LIN52: variants seen among roughly 807,000 people sequenced by gnomAD.
LIN52 encodes protein lin-52 homolog.
In LIN52, 4 loss-of-function variants were observed where a neutral mutation model predicts 18.5. The ratio of observed to expected loss-of-function variants is 0.22; its 90% confidence interval spans 0.11 to 0.49. LIN52 has a LOEUF of 0.49. Among genes scored for constraint, LIN52 ranks in the 20% least tolerant of loss-of-function variants. The pLI, the probability that LIN52 is intolerant of heterozygous loss-of-function variation, is 0.97. For synonymous variants in LIN52, 34 were observed against 45.5 expected (o/e 0.75, Z 1.02); for missense variants, 102 against 139.5 (o/e 0.73, Z 1.35).
At chr14:74,101,116 T>C in intron 4 of LIN52, 39 bp from the exon 5 acceptor site, 2 of 1,539,360 alleles carry the variant, frequency 1.3e-6, no homozygotes, top group Non-Finnish European at 1.8e-6. Context: ...TAGAGAAGAG[T>C]GGAAAGAAAT....
chr14:74,165,042 A>G (rs978838550), intron 5 of LIN52, among the ~76,000 whole-genome samples: 9 of 152,222 alleles, frequency 5.9e-5, no homozygotes, highest in South Asian at 2.1e-4. Context: ...TGATTTAGAG[A>G]TAAGTACAGA....
At chr14:74,115,176 A>G (rs886089026) in intron 5 of LIN52, among the ~76,000 whole-genome samples, 8 of 152,220 alleles carry the variant, frequency 5.3e-5, no homozygotes, top group African/African-American at 1.2e-4. Flanking sequence ...TTTACATGCA[A>G]TTGGAAATTA....
intron 1 of LIN52, among the ~76,000 whole-genome samples, chr14:74,085,835 T>C (rs1197307851): frequency 6.6e-6 from 1 of 152,174 alleles, no homozygotes; most frequent in Non-Finnish European, 1.5e-5. Context: ...TCGATTTTAT[T>C]GATATATAGG....
At chr14:74,119,861 G>T (rs1445662811) in intron 5 of LIN52, among the ~76,000 whole-genome samples, 1 of 146,052 alleles carries the variant, frequency 6.8e-6, no homozygotes, top group African/African-American at 2.5e-5. Context: ...TTTAGATGGA[G>T]TTTCACTCTT....
At chr14:74,162,560 A>T (rs2061230817) in intron 5 of LIN52, among the ~76,000 whole-genome samples, 1 of 143,314 alleles carries the variant, frequency 7.0e-6, no homozygotes, top group African/African-American at 2.6e-5. Context: ...TTATTTTTTT[A>T]TTGAAAAAAA....
intron 5 of LIN52, among the ~76,000 whole-genome samples, chr14:74,129,259 A>T (rs1165057213): frequency 6.6e-6 from 1 of 152,158 alleles, no homozygotes; most frequent in Admixed American, 6.5e-5. Context: ...TTGCTTTAGG[A>T]TGATAGACTT....
chr14:74,100,089 G>A (rs2060842925), intron 4 of LIN52, among the ~76,000 whole-genome samples: 1 of 152,096 alleles, frequency 6.6e-6, no homozygotes, highest in Admixed American at 6.6e-5. Context: ...AGGGAAATGG[G>A]GAATAGTAAG....
intron 2 of LIN52, among the ~76,000 whole-genome samples, chr14:74,092,131 C>T (rs543164614): frequency 1.2e-4 from 18 of 151,722 alleles, no homozygotes; most frequent in African/African-American, 3.9e-4. Flanking sequence ...CCACCATGCC[C>T]GGCTAATTTT....
chr14:74,124,112 A>G (rs1159517402), intron 5 of LIN52, among the ~76,000 whole-genome samples: 2 of 152,110 alleles, frequency 1.3e-5, no homozygotes, highest in African/African-American at 4.8e-5. Flanking sequence ...CCAAATTGTA[A>G]TGTTCAGATA....
intron 1 of LIN52, among the ~76,000 whole-genome samples, chr14:74,087,922 A>G (rs2060745734): frequency 6.6e-6 from 1 of 151,930 alleles, no homozygotes; most frequent in South Asian, 2.1e-4. Flanking sequence ...TTTTTTTTTA[A>G]CTTTCTTTTA....
At chr14:74,149,492 C>T (rs1328526971) in intron 5 of LIN52, among the ~76,000 whole-genome samples, 2 of 152,060 alleles carry the variant, frequency 1.3e-5, no homozygotes, top group Admixed American at 6.5e-5. Context: ...TGAGGTTATG[C>T]GTGGTATTCT....
At chr14:74,114,605 CA>C (rs1256958760) in intron 5 of LIN52, among the ~76,000 whole-genome samples, 33 of 152,156 alleles carry the variant, frequency 2.2e-4, no homozygotes, top group African/African-American at 8.0e-4. Context: ...ACAACAACAA[CA>C]ACAACAAAAA....
intron 5 of LIN52, among the ~76,000 whole-genome samples, chr14:74,131,188 G>GTATACTTTGTTAAATTC (rs144128916): frequency 6.6e-6 from 1 of 150,692 alleles, no homozygotes; most frequent in Non-Finnish European, 1.5e-5. Flanking sequence ...CCATTGTCCA[G>GTATACTTTGTTAAATTC]TATAGTTGTG....
intron 5 of LIN52, among the ~76,000 whole-genome samples, chr14:74,135,824 T>C (rs959713967): frequency 4.0e-4 from 61 of 152,306 alleles, no homozygotes; most frequent in African/African-American, 1.4e-3. Flanking sequence ...AGGGAGTTTT[T>C]TTTTTTTAAC....
chr14:74,153,157 A>G (rs949501048), intron 5 of LIN52, among the ~76,000 whole-genome samples: 2 of 152,166 alleles, frequency 1.3e-5, no homozygotes, highest in African/African-American at 4.8e-5. Context: ...ACATTTTATC[A>G]TTACCAGAGC....
chr14:74,103,902 T>C (rs987237711), intron 5 of LIN52, among the ~76,000 whole-genome samples: 1 of 150,296 alleles, frequency 6.7e-6, no homozygotes, highest in African/African-American at 2.4e-5. Flanking sequence ...CTTTCTTTTT[T>C]TTTTTTTTGA....
At chr14:74,110,255 G>A (rs998848422) in intron 5 of LIN52, among the ~76,000 whole-genome samples, 1 of 152,146 alleles carries the variant, frequency 6.6e-6, no homozygotes, top group African/African-American at 2.4e-5. Context: ...TTTTTTAAAA[G>A]CAACATTTCA....
At chr14:74,169,289 T>G (rs1318412687) in intron 5 of LIN52, among the ~76,000 whole-genome samples, 1 of 152,174 alleles carries the variant, frequency 6.6e-6, no homozygotes, top group African/African-American at 2.4e-5. Context: ...TGAGTAAACC[T>G]TCTTCTTTAA....
chr14:74,102,427 G>C (rs560490003), intron 5 of LIN52, among the ~76,000 whole-genome samples: 1 of 152,140 alleles, frequency 6.6e-6, no homozygotes, highest in African/African-American at 2.4e-5. Context: ...TCAAGATATG[G>C]TTGTTAGCTG....
Sources: gnomAD v4.1 joint callset for allele counts (sites outside exome capture counted in the v4.1 genomes callset) on GRCh38, gnomAD v4.1.1 for gene constraint, MANE v1.5 for transcripts, NCBI Gene and HGNC (gene_info 2026-07-23, HGNC 2026-07-21) for gene names.